DIAPH2: variants seen among roughly 807,000 people sequenced by gnomAD.
DIAPH2 encodes the protein protein diaphanous homolog 2.
In DIAPH2, 35 loss-of-function variants were observed where a neutral mutation model predicts 92.7. The observed-to-expected ratio is 0.38, with a 90% CI of 0.29 to 0.50. The LOEUF is 0.50. Among genes scored for constraint, DIAPH2 ranks in the 20% least tolerant of loss-of-function variants. The pLI is 0.94. For missense variants in DIAPH2, 701 were observed against 819.5 expected, an observed-to-expected ratio of 0.86 and a Z score of 1.77; for synonymous variants, 301 against 280.4, an observed-to-expected ratio of 1.07 and a Z score of -0.73.
At chrX:97,560,626 G>A (rs886502745) in intron 26 of DIAPH2, among the ~76,000 whole-genome samples, 3 of 111,434 alleles carry the variant, frequency 2.7e-5, no homozygotes, top group African/African-American at 9.8e-5. Flanking sequence ...CTGAGTAGCT[G>A]GGATTACAGG....
intron 4 of DIAPH2, among the ~76,000 whole-genome samples, chrX:96,872,183 A>G (rs1003746321): frequency 1.8e-5 from 2 of 111,412 alleles, no homozygotes; most frequent in Non-Finnish European, 3.8e-5. Flanking sequence ...CTGTTGTGCT[A>G]TCAAATGCCA....
At chrX:97,390,931 T>G (rs1484141299) in intron 25 of DIAPH2, among the ~76,000 whole-genome samples, 2 of 112,125 alleles carry the variant, frequency 1.8e-5, no homozygotes, top group African/African-American at 6.5e-5. Flanking sequence ...TTTTTATGTT[T>G]TAGTACCATA....
intron 23 of DIAPH2, among the ~76,000 whole-genome samples, chrX:97,324,477 C>T (rs1415696568): frequency 1.8e-5 from 2 of 112,218 alleles, no homozygotes; most frequent in Non-Finnish European, 3.8e-5. Flanking sequence ...TTTTTAAAAT[C>T]TATCTTTTGC....
chrX:97,320,106 A>T (rs992973153), intron 23 of DIAPH2, among the ~76,000 whole-genome samples: 11 of 105,796 alleles, frequency 1.0e-4, no homozygotes, highest in African/African-American at 3.1e-4. Context: ...TCTCAAAAAA[A>T]AAATATATAT....
chrX:97,228,337 G>T (rs1468630802), intron 22 of DIAPH2, among the ~76,000 whole-genome samples: 2 of 111,752 alleles, frequency 1.8e-5, no homozygotes, highest in East Asian at 2.8e-4. Context: ...TGAGGCCCTG[G>T]ATCCTAAAAT....
At chrX:96,692,663 C>T (rs1215818507) in intron 1 of DIAPH2, among the ~76,000 whole-genome samples, 3 of 112,205 alleles carry the variant, frequency 2.7e-5, no homozygotes, top group Non-Finnish European at 3.8e-5. Context: ...TGGCTTTACT[C>T]ACTGGTTGGG....
chrX:96,692,972 G>A (rs2063805870), intron 1 of DIAPH2, among the ~76,000 whole-genome samples: 1 of 111,843 alleles, frequency 8.9e-6, no homozygotes, highest in Admixed American at 9.6e-5. Context: ...CCTTTACATA[G>A]AAGTTATTCT....
chrX:97,249,531 T>A (rs1465446388), intron 23 of DIAPH2, among the ~76,000 whole-genome samples: 1 of 111,971 alleles, frequency 8.9e-6, no homozygotes, highest in Non-Finnish European at 1.9e-5. Context: ...GCAATTTATT[T>A]CAGAGAAAAA....
At chrX:96,755,900 G>T (rs1229449640) in intron 3 of DIAPH2, among the ~76,000 whole-genome samples, 2 of 105,019 alleles carry the variant, frequency 1.9e-5, no homozygotes, top group Non-Finnish European at 3.9e-5. Context: ...GTCTTGCTCA[G>T]ATTTCCAGGC....
At chrX:97,593,947 C>G (rs896669052) in intron 26 of DIAPH2, among the ~76,000 whole-genome samples, 5 of 110,918 alleles carry the variant, frequency 4.5e-5, no homozygotes, top group African/African-American at 1.6e-4. Flanking sequence ...AGATTAATAC[C>G]TAACAAAGAG....
intron 19 of DIAPH2, among the ~76,000 whole-genome samples, chrX:97,091,404 C>T (rs1308861815): frequency 9.0e-6 from 1 of 110,669 alleles, no homozygotes; most frequent in Non-Finnish European, 1.9e-5. Context: ...GCTTCCCGAG[C>T]AGCTGGGAAT....
chrX:97,150,103 A>G lies in DIAPH2; in HGVS notation c.2719+8309A>G, dbSNP rs971452635. Among the ~76,000 whole-genome samples, 3 of 111,572 alleles carry G rather than the reference A, an allele frequency of 2.7e-5. No individual in the cohort carries two copies. The East Asian group carries it at 8.4e-4, about 31-fold the overall frequency. On this transcript the variant is annotated intron_variant, in intron 22 of 26. Coordinates refer to ENST00000324765, the MANE Select transcript of DIAPH2 (RefSeq NM_006729.5). ...TAATACATTATTATTGACTATAATT[A>G]CAGTGTTGTACAGCAGATCTCTAGA...
At chrX:96,711,442 AT>A (rs1267984779) in intron 1 of DIAPH2, among the ~76,000 whole-genome samples, 1 of 111,475 alleles carries the variant, frequency 9.0e-6, no homozygotes, top group African/African-American at 3.3e-5. Context: ...GATGTTGAGC[AT>A]TTTTTCATGT....
At chrX:96,900,576 G>C (rs1343057384) in intron 5 of DIAPH2, among the ~76,000 whole-genome samples, 1 of 111,430 alleles carries the variant, frequency 9.0e-6, no homozygotes, top group Non-Finnish European at 1.9e-5. Flanking sequence ...TCAGTATGAT[G>C]TTGGCTTTGG....
rs2071576473 is a variant in DIAPH2, at chrX:97,599,280, C to CTCTGTTTCCAA, written c.3269_3270insTCTGTTTCCAA (p.Arg1091LeufsTer18). ...AACAGACGAGTACCTTTGGAAAGGT[C>CTCTGTTTCCAA]ACGCTCTCGCCACAATGGAGCTATC... is the stretch of plus-strand genomic sequence containing the variant. On this transcript the variant is annotated frameshift_variant, in exon 27 of 27. Transcript: ENST00000324765. LOFTEE classifies it high-confidence loss of function. The CTCTGTTTCCAA allele has an allele frequency of 8.4e-7, 1 of 1,193,588 alleles. No homozygotes were observed. Among genetic ancestry groups the CTCTGTTTCCAA allele is most frequent in the African/African-American group, 1.8e-5 (1 of 56,859 alleles).
At chrX:97,245,348 C>T (rs570141451) in intron 22 of DIAPH2, among the ~76,000 whole-genome samples, 8 of 110,255 alleles carry the variant, frequency 7.3e-5, no homozygotes, top group South Asian at 3.9e-4. Context: ...GGGTCTCACT[C>T]TGTCACCTAG....
At chrX:96,696,815 G>A (rs1388903147) in intron 1 of DIAPH2, among the ~76,000 whole-genome samples, 3 of 112,227 alleles carry the variant, frequency 2.7e-5, no homozygotes, top group Non-Finnish European at 5.6e-5. Context: ...TAAGAACTGT[G>A]CAAGGTCTGG....
chrX:97,253,479 G>T (rs2068208059), intron 23 of DIAPH2, among the ~76,000 whole-genome samples: 1 of 110,415 alleles, frequency 9.1e-6, no homozygotes, highest in Admixed American at 9.7e-5. Context: ...CGGGCACAGT[G>T]GCTCATGCCT....
At position 96,949,024 on chromosome X, in the gene DIAPH2, G is replaced by A; in HGVS notation, c.1599G>A (p.Gln533=). ...TCAAAGAACTTGAAGCAGAAATCCA[G>A]CAACTTCGAACCCAGGTAATGAAAG... ...EKIKELEAEI[Q]QLRTQAQVLS... is the part of the protein sequence containing the mutation. The change falls in exon 15 of 27, where the codon CAG becomes CAA. Residue 533 remains glutamine, a synonymous_variant. Transcript: ENST00000324765. 3 of 1,191,858 alleles carry A rather than the reference G, an allele frequency of 2.5e-6. No homozygotes were observed. The highest frequency in any genetic ancestry group is 3.5e-5 in the African/African-American group (2 of 57,254).
Sources: allele counts gnomAD v4.1 joint callset (sites outside exome capture counted in the v4.1 genomes callset), GRCh38; gene constraint gnomAD v4.1.1; transcripts MANE v1.5; gene names NCBI Gene and HGNC (gene_info 2026-07-23, HGNC 2026-07-21).